SZRD1: variants seen among roughly 807,000 people sequenced by gnomAD.
SZRD1 encodes the protein SUZ RNA binding domain containing 1, also known as SUZ RNA-binding domain-containing.
In SZRD1, 7 loss-of-function variants were observed where a neutral mutation model predicts 17.6. That is an observed-to-expected ratio of 0.40 (90% CI 0.23 to 0.75). SZRD1 has a LOEUF of 0.75. SZRD1 is among the 30% of genes least tolerant of loss of function. SZRD1 has a pLI of 0.38. For synonymous variants in SZRD1, 77 were observed against 77.9 expected, an observed-to-expected ratio of 0.99 and a Z score of 0.06; for missense variants, 178 against 201.8, an observed-to-expected ratio of 0.88 and a Z score of 0.71.
intron 1 of SZRD1, among the ~76,000 whole-genome samples, chr1:16,389,257 G>T (rs1170345839): frequency 1.4e-5 from 1 of 72,178 alleles, no homozygotes; most frequent in African/African-American, 5.0e-5. Flanking sequence ...CTAATTTTTT[G>T]TATTTTTTTG....
intron 2 of SZRD1, among the ~76,000 whole-genome samples, chr1:16,392,432 C>T (rs2085234651): frequency 6.6e-6 from 1 of 152,082 alleles, no homozygotes; most frequent in Non-Finnish European, 1.5e-5. Context: ...TGTTGTTGTC[C>T]CTCTTTGTTT....
At chr1:16,387,117 C>G (rs1321793733) in intron 1 of SZRD1, 1 of 345,404 alleles carries the variant, frequency 2.9e-6, no homozygotes, top group Non-Finnish European at 5.7e-6. Flanking sequence ...TACATTATAT[C>G]GATATAAGGT....
intron 1 of SZRD1, among the ~76,000 whole-genome samples, chr1:16,383,176 C>T (rs886619352): frequency 1.3e-5 from 2 of 149,470 alleles, no homozygotes; most frequent in African/African-American, 2.5e-5. Flanking sequence ...TTCTTTCTTT[C>T]TCTCCTTCCT....
intron 1 of SZRD1, chr1:16,369,608 G>C: frequency 1.7e-6 from 1 of 602,100 alleles, no homozygotes; most frequent in Non-Finnish European, 3.0e-6. Flanking sequence ...ATGTACCGCG[G>C]CCAGGTGCTG....
Position 16,397,158 on chromosome 1 carries a change from C to T in SZRD1, c.*2018C>T, listed in dbSNP as rs1388777623. On this transcript the variant is annotated 3_prime_UTR_variant, in exon 4 of 4. Transcript: ENST00000401088. This position sits in a 1 kb window ranked among gnomAD's most constrained non-coding sequence, Gnocchi z 5.4. ...GACCACCTGTTCTTGCCCCACTACC[C>T]TCTAGTGGGAGGCCAAAGTAAAGGC... is the stretch of plus-strand genomic sequence containing the variant. 1 of 152,326 alleles carries T rather than the reference C, an allele frequency of 6.6e-6. No individual in the cohort carries two copies. The highest frequency in any genetic ancestry group is 2.4e-5 in the African/African-American group (1 of 41,464). 9.4% of individuals were successfully genotyped at this position (152,326 alleles called of 1,614,324 possible). A position where few individuals can be genotyped will look rare whatever the true frequency, so the allele number is the denominator to read the frequency against.
intron 1 of SZRD1, among the ~76,000 whole-genome samples, chr1:16,384,785 A>G (rs1012569195): frequency 3.9e-5 from 6 of 152,048 alleles, no homozygotes; most frequent in East Asian, 1.9e-4. Flanking sequence ...TGTGTTACTC[A>G]GGGCCTGTGG....
chr1:16,392,824 C>T (rs1431314944), intron 2 of SZRD1, among the ~76,000 whole-genome samples: 1 of 152,176 alleles, frequency 6.6e-6, no homozygotes, highest in African/African-American at 2.4e-5. Flanking sequence ...GGCTCCCACC[C>T]CACCAGCCAG....
At chr1:16,389,532 C>T (rs1002869946) in intron 1 of SZRD1, among the ~76,000 whole-genome samples, 4 of 151,118 alleles carry the variant, frequency 2.6e-5, no homozygotes, top group Non-Finnish European at 5.9e-5. Flanking sequence ...AGGATGGTCT[C>T]GATCTCCTGA....
intron 1 of SZRD1, 87 bp downstream of exon 1, chr1:16,367,395 C>T (rs575179908): frequency 8.3e-6 from 11 of 1,332,532 alleles, no homozygotes; most frequent in South Asian, 5.2e-5. Context: ...AGATAGTTCT[C>T]CCCAAGGAAG....
chr1:16,397,072 G>A lies in SZRD1; in HGVS notation c.*1932G>A, dbSNP rs1316646687. ...CAAAGTGAGACTTTCCTTTTAATTGGAGAAGGGTATAGAGGTAGTCCAGGT... is the reference window on the plus strand; with the variant it reads ...CAAAGTGAGACTTTCCTTTTAATTGAAGAAGGGTATAGAGGTAGTCCAGGT... On this transcript the variant is annotated 3_prime_UTR_variant, in exon 4 of 4. Transcript: ENST00000401088. This position sits in a 1 kb window ranked among gnomAD's most constrained non-coding sequence, Gnocchi z 5.4. 6.6e-6 allele frequency: 1 copy of A among 152,298 alleles called. No individual in the cohort carries two copies. The highest frequency in any genetic ancestry group is 1.5e-5 in the Non-Finnish European group (1 of 68,084). 9.4% of individuals were successfully genotyped at this position (152,298 alleles called of 1,614,324 possible).
chr1:16,380,437 G>T (rs2083081285), intron 1 of SZRD1, among the ~76,000 whole-genome samples: 1 of 152,028 alleles, frequency 6.6e-6, no homozygotes, highest in Admixed American at 6.6e-5. Flanking sequence ...CAAGCAGCTG[G>T]AATTACAAGC....
chr1:16,387,426 G>C lies in SZRD1; in HGVS notation c.52-3949G>C, dbSNP rs2085144802. On this transcript the variant is annotated intron_variant, in intron 1 of 3. Transcript: ENST00000401088. ...ATTTGGCTCTCGCAGCGATATGAAA[G>C]TGAAAGTTCACATAGTGAAGTTGGA... 24 of 448,830 alleles carry C rather than the reference G, an allele frequency of 5.3e-5. 2 individuals are homozygous for C. Among genetic ancestry groups the C allele is most frequent in the South Asian group, 3.6e-4 (23 of 64,122 alleles). The allele number at this position is 448,830 out of a possible 1,614,324, so 27.8% of individuals were successfully genotyped here.
At chr1:16,369,454 G>A (rs2082874988) in intron 1 of SZRD1, 1 of 1,049,966 alleles carries the variant, frequency 9.5e-7, no homozygotes, top group Non-Finnish European at 1.5e-6. Context: ...TACGGGGTGA[G>A]TGCATTCAAG....
intron 1 of SZRD1, among the ~76,000 whole-genome samples, chr1:16,380,309 CTT>C (rs2083078046): frequency 6.7e-6 from 1 of 150,226 alleles, no homozygotes; most frequent in East Asian, 2.1e-4. Context: ...ACGCTCGTCT[CTT>C]TATTTATTTT....
Position 16,378,285 on chromosome 1 carries a change from C to CTT in SZRD1, c.51+10994_51+10995dup, listed in dbSNP as rs36025947. ...AAGAATTATTTCTGTTTGGCAACTT[C>CTT]TTTTTTTTTTTTTTTTTTGAGATGG... On this transcript the variant is annotated intron_variant, in intron 1 of 3. Transcript: ENST00000401088. Among the ~76,000 whole-genome samples the CTT allele has an allele frequency of 2.2e-3, 279 of 127,452 alleles. 3 individuals are homozygous for CTT. Among genetic ancestry groups the CTT allele is most frequent in the East Asian group, 7.6e-3 (33 of 4,352 alleles). The allele number at this position is 127,452 out of a possible 152,430, so 83.6% of individuals were successfully genotyped here.
chr1:16,377,637 G>A (rs1245379521), intron 1 of SZRD1, among the ~76,000 whole-genome samples: 3 of 151,724 alleles, frequency 2.0e-5, no homozygotes, highest in Non-Finnish European at 4.4e-5. Context: ...TCCATTAATG[G>A]CAATAGGTCA....
chr1:16,381,955 G>A (rs2083112150), intron 1 of SZRD1, among the ~76,000 whole-genome samples: 1 of 152,144 alleles, frequency 6.6e-6, no homozygotes, highest in Admixed American at 6.5e-5. Context: ...GAAGCTGGTT[G>A]AAGTGCGTTC....
rs1433371705 is a variant in SZRD1, at chr1:16,398,066, C to A, written c.*2926C>A. 6.8e-6 allele frequency: 6 copies of A among 887,888 alleles called. No individual in the cohort carries two copies. The highest frequency in any genetic ancestry group is 6.7e-6 in the Non-Finnish European group (5 of 741,166). 55.0% of individuals were successfully genotyped at this position (887,888 alleles called of 1,614,324 possible). ...AGCGGGCAGCTGCCCACTCCCACCC[C>A]ACCCTGCACCGCGGGCTCCTGAGTC... is the stretch of plus-strand genomic sequence containing the variant. On this transcript the variant is annotated 3_prime_UTR_variant, in exon 4 of 4. Coordinates refer to ENST00000401088, the MANE Select transcript of SZRD1 (RefSeq NM_001114600.3).
intron 1 of SZRD1, among the ~76,000 whole-genome samples, chr1:16,375,956 T>C (rs1385409685): frequency 1.3e-5 from 2 of 152,240 alleles, no homozygotes; most frequent in Non-Finnish European, 2.9e-5. Context: ...GCTATCTAGT[T>C]GTTCATCTCA....
Sources: allele counts gnomAD v4.1 joint callset (sites outside exome capture counted in the v4.1 genomes callset), GRCh38; gene constraint gnomAD v4.1.1; non-coding constraint Gnocchi (gnomAD v3.1); transcripts MANE v1.5; gene names NCBI Gene and HGNC (gene_info 2026-07-23, HGNC 2026-07-21).